CYTH4: variants seen among roughly 807,000 people sequenced by gnomAD.
The protein encoded by CYTH4 is cytohesin-4.
In CYTH4, 22 loss-of-function variants were observed where a neutral mutation model predicts 57.5. The ratio of observed to expected loss-of-function variants is 0.38; its 90% CI spans 0.27 to 0.55. The LOEUF is 0.55. Among genes scored for constraint, CYTH4 ranks in the 20% least tolerant of loss-of-function variants. CYTH4 has a pLI of 0.74. For missense variants in CYTH4, 420 were observed against 535.6 expected (o/e 0.78, Z 2.13); for synonymous variants, 186 against 206.5 (o/e 0.90, Z 0.85).
chr22:37,309,002 G>A (rs960010977), intron 8 of CYTH4, among the ~76,000 whole-genome samples: 2 of 152,120 alleles, frequency 1.3e-5, no homozygotes, highest in Non-Finnish European at 2.9e-5. Flanking sequence ...GGGTGGCGGG[G>A]TGGCAGGGTG....
At chr22:37,304,177 A>C (rs749999543) in intron 8 of CYTH4, 11 of 456,608 alleles carry the variant, frequency 2.4e-5, no homozygotes, top group South Asian at 1.2e-4. Context: ...TGAAGGTTAC[A>C]TGGGAGTGCT....
At chr22:37,287,663 G>C (rs1928604594) in intron 1 of CYTH4, among the ~76,000 whole-genome samples, 1 of 152,072 alleles carries the variant, frequency 6.6e-6, no homozygotes, top group Non-Finnish European at 1.5e-5. Flanking sequence ...TTCCATCCCT[G>C]CATGTCCCAA....
Position 37,313,639 on chromosome 22 carries a change from C to G in CYTH4, c.*128C>G. 1 of 855,100 alleles carries G rather than the reference C, an allele frequency of 1.2e-6. No homozygotes were observed. The highest frequency in any genetic ancestry group is 1.9e-6 in the Non-Finnish European group (1 of 531,310). 53.0% of individuals were successfully genotyped at this position (855,100 alleles called of 1,614,324 possible). A position where few individuals can be genotyped will look rare whatever the true frequency, so the allele number is the denominator to read the frequency against. On this transcript the variant is annotated 3_prime_UTR_variant, in exon 13 of 13. Coordinates refer to ENST00000248901, the MANE Select transcript of CYTH4 (RefSeq NM_013385.5). The stretch of plus-strand genomic sequence containing the variant: ...ACATCATTGCTGTTCCCCGTTACCT[C>G]GAGCTGACTCTAGAGGGGAAGGCAG...
rs182792235 is a variant in CYTH4 at position 37,295,564 on chromosome 22, G to A, written c.168-435G>A. On this transcript the variant is annotated intron_variant, in intron 3 of 12. Coordinates refer to ENST00000248901, the MANE Select transcript of CYTH4 (RefSeq NM_013385.5). This position sits in a 1 kb window ranked among gnomAD's most constrained non-coding sequence, Gnocchi z 4.1. ...CTTTAACCTCTCAACAATGCTGGGA[G>A]GCAGGTGGTGGTATCACCTCCATTT... Among the ~76,000 whole-genome samples the A allele has an allele frequency of 1.6e-4, 25 of 152,332 alleles. No individual in the cohort carries two copies. Among genetic ancestry groups the A allele is most frequent in the African/African-American group, 5.5e-4 (23 of 41,568 alleles).
chr22:37,284,751 G>T (rs1249788957), intron 1 of CYTH4, among the ~76,000 whole-genome samples: 2 of 152,116 alleles, frequency 1.3e-5, no homozygotes, highest in Non-Finnish European at 2.9e-5. Context: ...GTGACTCAGG[G>T]GCCCCCAGGG....
At position 37,295,656 on chromosome 22, in the gene CYTH4, G is replaced by T. The variant is rs116115823; in HGVS notation, c.168-343G>T. Among the ~76,000 whole-genome samples, 1 of 152,272 alleles carries T rather than the reference G, an allele frequency of 6.6e-6. No homozygotes were observed. The highest frequency in any genetic ancestry group is 2.4e-5 in the African/African-American group (1 of 41,548). On this transcript the variant is annotated intron_variant, in intron 3 of 12. Coordinates refer to ENST00000248901, the MANE Select transcript of CYTH4 (RefSeq NM_013385.5). The surrounding 1 kb of genome is among the most constrained non-coding windows in gnomAD (Gnocchi z 4.1). ...GCCCAAAGCAGCCCGGCTCAGATTC[G>T]CATCCAGGAGCCTGGCTCCAGCACC... is the stretch of plus-strand genomic sequence containing the variant.
At chr22:37,312,579 A>G (rs913333409) in intron 12 of CYTH4, among the ~76,000 whole-genome samples, 3 of 152,216 alleles carry the variant, frequency 2.0e-5, no homozygotes, top group Non-Finnish European at 4.4e-5. Context: ...GTGGGCAACC[A>G]GCAGGCGGCC....
In CYTH4 at chr22:37,311,418, G is replaced by A. The variant is rs747652263; in HGVS notation, c.886-38G>A. 9.4e-6 allele frequency: 15 copies of A among 1,595,668 alleles called. No homozygotes were observed. Among genetic ancestry groups the A allele is most frequent in the South Asian group, 1.1e-5 (1 of 90,672 alleles). ...ACCCTGCCTTGGGCCTCAGGGTTCC[G>A]CTTCCTGACCCTGACCTTCCTTCCC... On this transcript the variant is annotated intron_variant, in intron 10 of 12. Transcript: ENST00000248901. The surrounding 1 kb of genome is among the most constrained non-coding windows in gnomAD (Gnocchi z 4.4).
intron 8 of CYTH4, chr22:37,304,335 C>T (rs1569110382): frequency 4.4e-6 from 2 of 450,930 alleles, no homozygotes; most frequent in Admixed American, 2.4e-5. Context: ...GCCAGAGGGT[C>T]CAGGGCTTCC....
Position 37,311,328 on chromosome 22 carries a change from A to G in CYTH4, c.886-128A>G, listed in dbSNP as rs116667185. 2.1e-3 allele frequency: 1,773 copies of G among 863,662 alleles called. 20 individuals are homozygous for G. In the African/African-American group the frequency reaches 0.024, roughly 12 times the overall value. The allele number at this position is 863,662 out of a possible 1,614,324, so 53.5% of individuals were successfully genotyped here. On this transcript the variant is annotated intron_variant, in intron 10 of 12. Transcript: ENST00000248901. This position sits in a 1 kb window ranked among gnomAD's most constrained non-coding sequence, Gnocchi z 4.4. ...TGCTGCTTCTAACTTCCGTCCCCCT[A>G]TGACTGGACAGTCTCGGAAGATGAG...
rs565511346 is a variant in CYTH4 at position 37,301,784 on chromosome 22, G to A, written c.547+765G>A. On this transcript the variant is annotated intron_variant, in intron 7 of 12. Coordinates refer to ENST00000248901, the MANE Select transcript of CYTH4 (RefSeq NM_013385.5). The stretch of plus-strand genomic sequence containing the variant: ...GTGATCTCAGCTCACTGCAACCTCC[G>A]CCTCCCAGGTTCATGCAATTCTCCT... 79 of 128,664 alleles carry A rather than the reference G, an allele frequency of 6.1e-4. 1 individual carries two copies. Among genetic ancestry groups the A allele is most frequent in the Middle Eastern group, 0.011 (2 of 190 alleles). 8.0% of individuals were successfully genotyped at this position (128,664 alleles called of 1,614,324 possible). A position where few individuals can be genotyped will look rare whatever the true frequency, so the allele number is the denominator to read the frequency against.
At chr22:37,290,224 C>T (rs56133831) in intron 1 of CYTH4, among the ~76,000 whole-genome samples, 6,824 of 152,250 alleles carry the variant, frequency 0.045, 529 homozygotes, top group African/African-American at 0.16. Flanking sequence ...AAATGTGGCC[C>T]TGAAGACACT....
At position 37,313,892 on chromosome 22, in the gene CYTH4, C is replaced by T. The variant is rs938639444; in HGVS notation, c.*381C>T. The stretch of plus-strand genomic sequence containing the variant: ...GCACTTAGATGCTGTCAGCCCTCAA[C>T]GTAGGAGGGGCCGTGGGGTCCCTAA... On this transcript the variant is annotated 3_prime_UTR_variant, in exon 13 of 13. Coordinates refer to ENST00000248901, the MANE Select transcript of CYTH4 (RefSeq NM_013385.5). The T allele has an allele frequency of 2.2e-5, 6 of 268,288 alleles. No individual in the cohort carries two copies. The highest frequency in any genetic ancestry group is 1.5e-4 in the Admixed American group (3 of 20,538). The allele number at this position is 268,288 out of a possible 1,614,324, so 16.6% of individuals were successfully genotyped here.
Position 37,310,981 on chromosome 22 carries a change from T to C in CYTH4, c.809-7T>C, listed in dbSNP as rs761143733. The C allele has an allele frequency of 3.7e-6, 6 of 1,614,084 alleles. No individual in the cohort carries two copies. The East Asian group carries it at 8.9e-5, about 24-fold the overall frequency. ...ACTGACCAGCTTGCTACATTGGCCT[T>C]GCGCAGGGGGCCGCGTGAAGACGTG... is the stretch of plus-strand genomic sequence containing the variant. On this transcript the variant is annotated splice_polypyrimidine_tract_variant and splice_region_variant and intron_variant, in intron 9 of 12. Coordinates refer to ENST00000248901, the MANE Select transcript of CYTH4 (RefSeq NM_013385.5).
In CYTH4 at chr22:37,303,328, C is replaced by A. The variant is rs373433486; in HGVS notation, c.622C>A (p.Pro208Thr). ...SLHNPNVRDR[P>T]PFERFVSMNR... is the part of the protein sequence containing the mutation. Reference sequence around the variant, plus strand: ...CCACAATCCCAACGTCCGGGACAGGCCGCCTTTTGAGCGCTTTGTGTCCAT... The same window carrying A: ...CCACAATCCCAACGTCCGGGACAGGACGCCTTTTGAGCGCTTTGTGTCCAT... Residue 208 changes from proline (P) to threonine (T), a missense_variant, in exon 8 of 13, where the codon CCG (proline) becomes ACG (threonine). Coordinates refer to ENST00000248901, the MANE Select transcript of CYTH4 (RefSeq NM_013385.5). The A allele has an allele frequency of 1.2e-6, 2 of 1,614,216 alleles. No homozygotes were observed.
At chr22:37,309,845 A>C (rs1015139790) in intron 9 of CYTH4, 1 of 309,976 alleles carries the variant, frequency 3.2e-6, no homozygotes, top group Non-Finnish European at 6.8e-6. Flanking sequence ...GGCTCCCTTC[A>C]AGCTGACTGG....
At chr22:37,309,103 A>G in intron 8 of CYTH4, 109 bp from the exon 9 acceptor site, 1 of 804,432 alleles carries the variant, frequency 1.2e-6, no homozygotes, top group Non-Finnish European at 2.0e-6. Flanking sequence ...AGGAAAGAGT[A>G]TGCCTGCAGG....
intron 3 of CYTH4, 61 bp downstream of exon 3, chr22:37,294,785 C>G (rs912695097): frequency 3.0e-5 from 47 of 1,582,518 alleles, no homozygotes; most frequent in Non-Finnish European, 3.4e-5. Flanking sequence ...GGATGTCATA[C>G]ACCTTGAATG....
At chr22:37,300,761 TC>T (rs1295199204) in intron 6 of CYTH4, 145 bp from the exon 7 acceptor site, 1 of 666,126 alleles carries the variant, frequency 1.5e-6, no homozygotes, top group Non-Finnish European at 2.6e-6. Flanking sequence ...CTGGTGCCCA[TC>T]CCACTTCCCC....
Sources: gnomAD v4.1 joint callset for allele counts (sites outside exome capture counted in the v4.1 genomes callset) on GRCh38, gnomAD v4.1.1 for gene constraint, Gnocchi (gnomAD v3.1) non-coding constraint, MANE v1.5 for transcripts, NCBI Gene and HGNC (gene_info 2026-07-23, HGNC 2026-07-21) for gene names.